The following PITRM1 variants were observed in gnomAD, a reference collection of about 807,000 sequenced individuals.
PITRM1 encodes pitrilysin metallopeptidase 1, also known as presequence protease, mitochondrial.
PITRM1 carries 100 observed loss-of-function variants against 129.9 expected under a neutral mutation model. The observed-to-expected ratio is 0.77, with a 90% CI of 0.65 to 0.91. The LOEUF is 0.91. Among genes scored for constraint, PITRM1 ranks in the 40% least tolerant of loss-of-function variants. The pLI is 0.00. For missense variants in PITRM1, 1,471 were observed against 1,318.3 expected (o/e 1.12, Z -1.79); for synonymous variants, 591 against 508.8 (o/e 1.16, Z -2.17).
At chr10:3,171,603 G>A (rs1325925742) in intron 1 of PITRM1, among the ~76,000 whole-genome samples, 2 of 152,170 alleles carry the variant, frequency 1.3e-5, no homozygotes, top group African/African-American at 4.8e-5. Context: ...ACTACGCCCA[G>A]CTAATTTTTG....
chr10:3,170,116 G>C lies in PITRM1; in HGVS notation c.147C>G (p.Phe49Leu), dbSNP rs566012447. The part of the protein sequence containing the change: ...QYKLGDKIHG[F>L]TVNQVTSVPE... ...GGACGACCCATACCTGGTTTACGGT[G>C]AATCCATGGATCTTGTCTCCTAGTT... Residue 49 changes from phenylalanine (F) to leucine (L), a missense_variant, in exon 2 of 27, where the codon TTC (phenylalanine) becomes TTG (leucine). Physicochemically the swap from Phe to Leu is conservative, Grantham distance 22. Coordinates refer to ENST00000224949, the MANE Select transcript of PITRM1 (RefSeq NM_014889.4). 8.7e-6 allele frequency: 14 copies of C among 1,612,788 alleles called. No individual in the cohort carries two copies. Among genetic ancestry groups the C allele is most frequent in the Non-Finnish European group, 1.1e-5 (13 of 1,178,796 alleles).
chr10:3,168,964 AC>A (rs1192805148), intron 2 of PITRM1, among the ~76,000 whole-genome samples: 2 of 108,206 alleles, frequency 1.8e-5, no homozygotes, highest in South Asian at 3.1e-4. Context: ...ACACACACAC[AC>A]AATTAGCCAG....
intron 7 of PITRM1, 91 bp from the exon 8 acceptor site, chr10:3,160,421 T>C: frequency 9.4e-7 from 1 of 1,062,370 alleles, no homozygotes; most frequent in Non-Finnish European, 1.4e-6. Flanking sequence ...AGCACAGGAG[T>C]GCCCCTTACC....
chr10:3,170,914 G>C (rs1034537711), intron 1 of PITRM1, among the ~76,000 whole-genome samples: 1 of 151,814 alleles, frequency 6.6e-6, no homozygotes, highest in Non-Finnish European at 1.5e-5. Context: ...AGTGGGCCGA[G>C]ATCACGCCAC....
chr10:3,148,102 G>T, intron 17 of PITRM1, 39 bp from the exon 18 acceptor site: 7 of 1,613,636 alleles, frequency 4.3e-6, no homozygotes, highest in Non-Finnish European at 5.9e-6. Context: ...AATTAGGGCC[G>T]AATCGAACAG....
chr10:3,159,920 G>A lies in PITRM1; in HGVS notation c.935C>T (p.Thr312Ile). ...PWDKPREFQI[T>I]CGPDSFATDP... ...TGTAGCAAATGAATCCGGGCCACAT[G>A]TTATCTGGAATTCCCTCTGTAAAAT... The change falls in exon 9 of 27, where the codon ACA becomes ATA. Residue 312 changes from threonine (T) to isoleucine (I), a missense_variant. Thr to Ile is a moderately conservative substitution (Grantham distance 89, BLOSUM62 -1). Transcript: ENST00000224949. The A allele has an allele frequency of 6.2e-7, 1 of 1,600,048 alleles. No individual in the cohort carries two copies. The highest frequency in any genetic ancestry group is 8.5e-7 in the Non-Finnish European group (1 of 1,171,982).
intron 1 of PITRM1, 50 bp downstream of exon 1, chr10:3,172,667 T>G (rs979800624): frequency 6.6e-7 from 1 of 1,503,802 alleles, no homozygotes; most frequent in Non-Finnish European, 8.9e-7. Flanking sequence ...CCCTGGACCC[T>G]CCCCTCCCGG....
intron 14 of PITRM1, among the ~76,000 whole-genome samples, 200 bp downstream of exon 14, chr10:3,155,391 G>A (rs1171751710): frequency 6.6e-6 from 1 of 152,168 alleles, no homozygotes; most frequent in Admixed American, 6.5e-5. Context: ...TCTTTTCAAT[G>A]ACTCCTGCGT....
At chr10:3,146,543 T>A (rs1001912522) in intron 20 of PITRM1, 1 of 152,398 alleles carries the variant, frequency 6.6e-6, no homozygotes, top group African/African-American at 2.4e-5. Flanking sequence ...AGGCTTCACC[T>A]CTGGCCACCC....
chr10:3,157,441 C>T lies in PITRM1; in HGVS notation c.1341G>A (p.Leu447=). ...KHQSTSFGLM[L]TSYIASCWNH... is the part of the protein sequence containing the mutation. The stretch of plus-strand genomic sequence containing the variant: ...TTGTTGAGAGATCACTTACTGATGT[C>T]AGCATCAGCCCAAAGCTGGTAGACT... Residue 447 remains leucine, a synonymous_variant, in exon 12 of 27, where the codon CTG becomes CTA. Transcript: ENST00000224949. The T allele has an allele frequency of 1.3e-6, 2 of 1,593,892 alleles. No individual in the cohort carries two copies. Among genetic ancestry groups the T allele is most frequent in the Non-Finnish European group, 8.6e-7 (1 of 1,166,756 alleles).
intron 23 of PITRM1, among the ~76,000 whole-genome samples, chr10:3,142,005 G>A (rs1421263776): frequency 6.6e-6 from 1 of 152,132 alleles, no homozygotes; most frequent in African/African-American, 2.4e-5. Context: ...TCTATTACTT[G>A]TATATTAAAA....
In PITRM1 at chr10:3,172,756, C is replaced by T. The variant is rs1484695817; in HGVS notation, c.17G>A (p.Gly6Glu). Residue 6 changes from glycine (G) to glutamate (E), a missense_variant, in exon 1 of 27, where the codon GGG (glycine) becomes GAG (glutamate). Transcript: ENST00000224949. Reference protein sequence around the residue: MWRCGGRQGLCVLRRL... With the variant: MWRCGERQGLCVLRRL... ...CCTCAGCACACACAGGCCCTGCCGC[C>T]CGCCGCAGCGCCACATTGCGCATGA... The T allele has an allele frequency of 1.9e-6, 3 of 1,546,674 alleles. No individual in the cohort carries two copies. Among genetic ancestry groups the T allele is most frequent in the Non-Finnish European group, 1.7e-6 (2 of 1,145,556 alleles).
Position 3,149,497 on chromosome 10 carries a change from T to C in PITRM1, c.1871+124A>G, listed in dbSNP as rs955962902. 3 of 976,256 alleles carry C rather than the reference T, an allele frequency of 3.1e-6. No homozygotes were observed. In the African/African-American group the frequency reaches 5.0e-5, roughly 16 times the overall value. The allele number at this position is 976,256 out of a possible 1,614,324, so 60.5% of individuals were successfully genotyped here. On this transcript the variant is annotated intron_variant, in intron 16 of 26. Coordinates refer to ENST00000224949, the MANE Select transcript of PITRM1 (RefSeq NM_014889.4). ...TTCTAAACCAATATATTGTACACCA[T>C]ACTTACACACTAACATTGTAAGTTG...
At chr10:3,166,822 C>A in intron 3 of PITRM1, 114 bp downstream of exon 3, 1 of 595,490 alleles carries the variant, frequency 1.7e-6, no homozygotes, top group Non-Finnish European at 3.0e-6. Context: ...GTATTTTATG[C>A]GTGGCCTAAG....
rs769594126 is a variant in PITRM1 at position 3,159,896 on chromosome 10, G to A, written c.959C>T (p.Thr320Ile). The change falls in exon 9 of 27, where the codon ACA becomes ATA. Residue 320 changes from threonine to isoleucine, a missense_variant. Thr to Ile is a moderately conservative substitution (Grantham distance 89). Coordinates refer to ENST00000224949, the MANE Select transcript of PITRM1 (RefSeq NM_014889.4). ...GATGGTTGTTTGTTTAGAGGGATCT[G>A]TAGCAAATGAATCCGGGCCACATGT... ...QITCGPDSFA[T>I]DPSKQTTISV... 14 of 1,605,414 alleles carry A rather than the reference G, an allele frequency of 8.7e-6. No individual in the cohort carries two copies. The highest frequency in any genetic ancestry group is 5.3e-5 in the African/African-American group (4 of 74,856).
chr10:3,147,836 C>A, intron 18 of PITRM1, 99 bp from the exon 19 acceptor site: 2 of 1,272,278 alleles, frequency 1.6e-6, no homozygotes, highest in Admixed American at 2.5e-5. Context: ...CTTTAACAAC[C>A]AAAGAAATTT....
At chr10:3,165,154 A>G (rs1460713475) in intron 6 of PITRM1, 84 bp downstream of exon 6, 3 of 979,198 alleles carry the variant, frequency 3.1e-6, no homozygotes, top group East Asian at 5.2e-5. Context: ...AATATTAAAT[A>G]AAATCTTCCA....
At position 3,157,431 on chromosome 10, in the gene PITRM1, T is replaced by C. The variant is rs1373619349; in HGVS notation, c.1347+4A>G. On this transcript the variant is annotated splice_donor_region_variant and intron_variant, in intron 12 of 26. Coordinates refer to ENST00000224949, the MANE Select transcript of PITRM1 (RefSeq NM_014889.4). ...AAAAACAAAATTGTTGAGAGATCAC[T>C]TACTGATGTCAGCATCAGCCCAAAG... 1 of 1,574,858 alleles carries C rather than the reference T, an allele frequency of 6.3e-7. No homozygotes were observed. Among genetic ancestry groups the C allele is most frequent in the Non-Finnish European group, 8.7e-7 (1 of 1,151,998 alleles).
rs769168470 is a variant in PITRM1 at position 3,138,067 on chromosome 10, C to T, written c.3078G>A (p.Pro1026=). The T allele has an allele frequency of 1.2e-5, 19 of 1,609,404 alleles. No homozygotes were observed. Among genetic ancestry groups the T allele is most frequent in the African/African-American group, 2.7e-5 (2 of 74,840 alleles). ...TCCAGGATGGGTCCTTGGCAATTTT[C>T]GGGTTCTCGGGTCCGAGGATGGCCA... The part of the protein sequence containing the change: ...HGLAILGPEN[P]KIAKDPSWII... Residue 1026 remains proline (P), a synonymous_variant, in exon 27 of 27, where the codon CCG becomes CCA. Coordinates refer to ENST00000224949, the MANE Select transcript of PITRM1 (RefSeq NM_014889.4).
Sources: allele counts gnomAD v4.1 joint callset (sites outside exome capture counted in the v4.1 genomes callset), GRCh38; gene constraint gnomAD v4.1.1; transcripts MANE v1.5; gene names NCBI Gene and HGNC (gene_info 2026-07-23, HGNC 2026-07-21).